The following NFIB variants were observed in gnomAD, a reference collection of about 807,000 sequenced individuals.
NFIB encodes the protein nuclear factor I B.
In NFIB, 11 loss-of-function variants were observed where a neutral mutation model predicts 61.5. That is an observed-to-expected ratio of 0.18 (90% confidence interval 0.11 to 0.30). NFIB has a LOEUF of 0.30. Ranked by LOEUF, NFIB falls within the 10% of genes least tolerant of loss-of-function variation. NFIB has a pLI of 1.00. For missense variants in NFIB, 471 were observed against 608.9 expected (o/e 0.77, Z 2.38); for synonymous variants, 260 against 216.5 (o/e 1.20, Z -1.76).
chr9:14,471,980 G>T, the NFIB span, among the ~76,000 whole-genome samples: 2 of 152,196 alleles, frequency 1.3e-5, no homozygotes, highest in African/African-American at 4.8e-5. Flanking sequence ...CGACCTGCAG[G>T]TTATATTTTT....
chr9:14,292,098 TTTC>T (rs1425218572), intron 2 of NFIB, among the ~76,000 whole-genome samples: 5 of 152,252 alleles, frequency 3.3e-5, no homozygotes, highest in African/African-American at 4.8e-5. Flanking sequence ...AATCATTATT[TTTC>T]TTCTATTTTC....
the NFIB span, among the ~76,000 whole-genome samples, chr9:14,453,873 G>C: frequency 6.6e-6 from 1 of 151,998 alleles, no homozygotes; most frequent in African/African-American, 2.4e-5. Flanking sequence ...ACAGGGTCAG[G>C]AGATCGAGAC....
At chr9:14,178,797 T>G (rs1293092001) in intron 3 of NFIB, among the ~76,000 whole-genome samples, 1 of 152,130 alleles carries the variant, frequency 6.6e-6, no homozygotes, top group Admixed American at 6.5e-5. Context: ...TAAGCACGAC[T>G]TCAAGGAAGA....
chr9:14,197,854 G>A (rs961169621), intron 2 of NFIB, among the ~76,000 whole-genome samples: 6 of 152,152 alleles, frequency 3.9e-5, no homozygotes, highest in Admixed American at 3.3e-4. Flanking sequence ...ACAAAACAAT[G>A]ACGAAAAGGT....
At chr9:14,385,554 T>C (rs1268686390) in intron 1 of NFIB, among the ~76,000 whole-genome samples, 3 of 152,188 alleles carry the variant, frequency 2.0e-5, no homozygotes, top group Admixed American at 1.3e-4. Flanking sequence ...TATGTTAATA[T>C]GAATAACACA....
At chr9:14,459,562 T>G in the NFIB span, among the ~76,000 whole-genome samples, 4 of 151,614 alleles carry the variant, frequency 2.6e-5, no homozygotes, top group Non-Finnish European at 4.4e-5. Flanking sequence ...AAAGAAACTA[T>G]CATCAGAGTG....
chr9:14,398,708 G>C (rs781552104), exon 1 of NFIB: 3 of 1,041,114 alleles, frequency 2.9e-6, no homozygotes, highest in Non-Finnish European at 4.1e-6. Flanking sequence ...GTTTGCTCCA[G>C]GTCACCGAGT....
chr9:14,511,073 G>T, the NFIB span, among the ~76,000 whole-genome samples: 1 of 152,090 alleles, frequency 6.6e-6, no homozygotes, highest in East Asian at 1.9e-4. Flanking sequence ...GGAGATTTTT[G>T]ATAAATATTG....
chr9:14,387,578 G>A (rs1323386183), intron 1 of NFIB, among the ~76,000 whole-genome samples: 2 of 152,136 alleles, frequency 1.3e-5, no homozygotes, highest in Non-Finnish European at 2.9e-5. Flanking sequence ...GGATTCATAA[G>A]CTATAAACAT....
intron 10 of NFIB, among the ~76,000 whole-genome samples, chr9:14,101,551 T>C (rs1053197921): frequency 8.5e-5 from 13 of 152,238 alleles, no homozygotes; most frequent in Admixed American, 2.6e-4. Context: ...TGGAAAATTA[T>C]GTCAACTCTA....
the NFIB span, among the ~76,000 whole-genome samples, chr9:14,472,703 T>C: frequency 1.3e-5 from 2 of 151,810 alleles, no homozygotes; most frequent in Non-Finnish European, 2.9e-5. Flanking sequence ...TAGCCGGGCG[T>C]CGTGGCGGGC....
chr9:14,139,994 A>G (rs1044965930), intron 6 of NFIB, among the ~76,000 whole-genome samples: 8 of 152,206 alleles, frequency 5.3e-5, no homozygotes, highest in Non-Finnish European at 1.2e-4. Context: ...AAACAAAGAA[A>G]CTTAAAAATT....
At chr9:14,295,563 G>A (rs1471364207) in intron 2 of NFIB, among the ~76,000 whole-genome samples, 5 of 151,990 alleles carry the variant, frequency 3.3e-5, no homozygotes, top group African/African-American at 4.8e-5. Flanking sequence ...CCCGGGAGGC[G>A]GAGCTTACAG....
intron 2 of NFIB, among the ~76,000 whole-genome samples, chr9:14,235,338 G>A (rs892624506): frequency 5.9e-5 from 9 of 152,166 alleles, no homozygotes; most frequent in Admixed American, 2.6e-4. Flanking sequence ...TGCCAGCCCC[G>A]ACCTTGTTCC....
At chr9:14,194,352 C>T (rs1360862017) in intron 2 of NFIB, among the ~76,000 whole-genome samples, 2 of 152,104 alleles carry the variant, frequency 1.3e-5, no homozygotes, top group Non-Finnish European at 2.9e-5. Context: ...TGACAGCAGA[C>T]ATATTGCACA....
chr9:14,373,641 A>AGTGT (rs56764067), intron 1 of NFIB, among the ~76,000 whole-genome samples: 3,489 of 143,206 alleles, frequency 0.024, 39 homozygotes, highest in Non-Finnish European at 0.028. Context: ...TGTCCACATG[A>AGTGT]GTGTGTGTGT....
At chr9:14,529,095 G>C in the NFIB span, among the ~76,000 whole-genome samples, 1 of 152,112 alleles carries the variant, frequency 6.6e-6, no homozygotes, top group South Asian at 2.1e-4. Context: ...ACACACACAG[G>C]AGTTTACTCT....
At chr9:14,487,105 T>C in the NFIB span, among the ~76,000 whole-genome samples, 1 of 152,176 alleles carries the variant, frequency 6.6e-6, no homozygotes, top group Non-Finnish European at 1.5e-5. Context: ...AAAAACAAAC[T>C]GGTTTTATGA....
chr9:14,127,932 CAA>C (rs201442988), intron 6 of NFIB, among the ~76,000 whole-genome samples: 4,901 of 87,160 alleles, frequency 0.056, 218 homozygotes, highest in African/African-American at 0.17. Flanking sequence ...ATATCTTTTT[CAA>C]AAAAAAAAAA....
Sources: gnomAD v4.1 joint callset for allele counts (sites outside exome capture counted in the v4.1 genomes callset) on GRCh38, gnomAD v4.1.1 for gene constraint, MANE v1.5 for transcripts, NCBI Gene and HGNC (gene_info 2026-07-23, HGNC 2026-07-21) for gene names.